The following SGCZ variants were observed in gnomAD, a reference collection of about 807,000 sequenced individuals.
SGCZ encodes the protein zeta-sarcoglycan.
In SGCZ, 40 loss-of-function variants were observed where a neutral mutation model predicts 41.3. The ratio of observed to expected loss-of-function variants is 0.97; its 90% confidence interval spans 0.75 to 1.26. SGCZ has a LOEUF of 1.26. SGCZ is among the 50% of genes most tolerant of loss of function. SGCZ has a pLI of 0.00. For missense variants in SGCZ, 552 were observed against 369.8 expected (o/e 1.49, Z -4.04); for synonymous variants, 206 against 137.5 (o/e 1.50, Z -3.49).
intron 1 of SGCZ, among the ~76,000 whole-genome samples, chr8:14,656,695 C>G (rs1186562190): frequency 6.6e-6 from 1 of 150,988 alleles, no homozygotes; most frequent in African/African-American, 2.4e-5. Flanking sequence ...CTCTCTTTCA[C>G]TCTTTCTTTC....
At chr8:15,064,685 G>T (rs115884286) in intron 1 of SGCZ, among the ~76,000 whole-genome samples, 1,809 of 152,072 alleles carry the variant, frequency 0.012, 31 homozygotes, top group African/African-American at 0.041. Context: ...TCCCTCCCTA[G>T]TTGCTGTTCT....
intron 1 of SGCZ, among the ~76,000 whole-genome samples, chr8:15,001,575 A>G (rs1802422557): frequency 6.6e-6 from 1 of 152,010 alleles, no homozygotes; most frequent in African/African-American, 2.4e-5. Flanking sequence ...TAAAAATGCA[A>G]AAAATAAGCC....
intron 1 of SGCZ, among the ~76,000 whole-genome samples, chr8:14,597,322 T>A (rs892377112): frequency 1.3e-5 from 2 of 152,194 alleles, no homozygotes; most frequent in Non-Finnish European, 2.9e-5. Context: ...CAAGGACTTT[T>A]AAGTTAGAAT....
intron 1 of SGCZ, among the ~76,000 whole-genome samples, chr8:14,851,368 CAAAAAAAAAAAAAA>C (rs369090223): frequency 1.6e-5 from 1 of 61,908 alleles, no homozygotes; most frequent in Non-Finnish European, 2.9e-5. Context: ...GACTCCATCT[CAAAAAAAAAAAAAA>C]AAAAAAAAGA....
chr8:14,493,697 A>C (rs1431753004), intron 2 of SGCZ, among the ~76,000 whole-genome samples: 1 of 151,628 alleles, frequency 6.6e-6, no homozygotes, highest in African/African-American at 2.4e-5. Context: ...ATCAGCTCTT[A>C]ATCTTGTTTT....
intron 4 of SGCZ, among the ~76,000 whole-genome samples, chr8:14,230,340 C>T (rs1444798276): frequency 6.6e-6 from 1 of 152,080 alleles, no homozygotes; most frequent in Non-Finnish European, 1.5e-5. Flanking sequence ...AAATCACAAT[C>T]ACTAACTTAT....
At chr8:14,439,955 G>A (rs1400310035) in intron 2 of SGCZ, among the ~76,000 whole-genome samples, 12 of 151,264 alleles carry the variant, frequency 7.9e-5, no homozygotes, top group Non-Finnish European at 1.0e-4. Flanking sequence ...TTTGGTTCAC[G>A]GACTTCTTGA....
intron 1 of SGCZ, among the ~76,000 whole-genome samples, chr8:14,899,029 G>T (rs772474993): frequency 1.3e-5 from 2 of 152,050 alleles, no homozygotes; most frequent in Non-Finnish European, 2.9e-5. Context: ...ACTTTTTACC[G>T]TGTTAGAGTT....
chr8:15,005,954 T>G (rs1802596154), intron 1 of SGCZ, among the ~76,000 whole-genome samples: 1 of 152,154 alleles, frequency 6.6e-6, no homozygotes, highest in African/African-American at 2.4e-5. Flanking sequence ...CCCACCAAAC[T>G]TGAACTAACA....
chr8:15,203,791 T>C (rs957595947), intron 1 of SGCZ, among the ~76,000 whole-genome samples: 3 of 152,174 alleles, frequency 2.0e-5, no homozygotes, highest in African/African-American at 4.8e-5. Flanking sequence ...AAAGGAAATA[T>C]CCAAGAAATA....
intron 2 of SGCZ, among the ~76,000 whole-genome samples, chr8:14,505,335 G>T (rs554174032): frequency 4.6e-5 from 7 of 152,206 alleles, no homozygotes; most frequent in Middle Eastern, 3.4e-3. Flanking sequence ...AAATGCCCCA[G>T]AGTAAAGAGC....
At chr8:14,100,435 A>C (rs2116976539) in intron 7 of SGCZ, among the ~76,000 whole-genome samples, 1 of 150,536 alleles carries the variant, frequency 6.6e-6, no homozygotes, top group South Asian at 2.1e-4. Flanking sequence ...CAAGATGTTT[A>C]AGAAAGACTT....
At chr8:15,139,070 T>C (rs1808222040) in intron 1 of SGCZ, among the ~76,000 whole-genome samples, 1 of 152,200 alleles carries the variant, frequency 6.6e-6, no homozygotes, top group Non-Finnish European at 1.5e-5. Flanking sequence ...AAAATTTTAT[T>C]TTCCTCCCTG....
At position 15,163,437 on chromosome 8, in the gene SGCZ, A is replaced by G. The variant is rs531535503; in HGVS notation, c.39+74148T>C. ...TTGCATTTATATACACTGAAAGGCC[A>G]GAAGATATGAATACTGGAAACGACT... On this transcript the variant is annotated intron_variant, in intron 1 of 7. Transcript: ENST00000382080. 2.6e-5 allele frequency among the ~76,000 whole-genome samples: 4 copies of G among 152,344 alleles called. No individual in the cohort carries two copies. The East Asian group carries it at 5.8e-4, about 22-fold the overall frequency.
At chr8:14,231,404 C>A (rs1806567584) in intron 4 of SGCZ, among the ~76,000 whole-genome samples, 1 of 151,880 alleles carries the variant, frequency 6.6e-6, no homozygotes, top group Admixed American at 6.6e-5. Flanking sequence ...ATCATGAGGT[C>A]ATGTTATTTC....
At chr8:14,350,669 G>A (rs2117103235) in intron 2 of SGCZ, among the ~76,000 whole-genome samples, 1 of 152,116 alleles carries the variant, frequency 6.6e-6, no homozygotes, top group East Asian at 1.9e-4. Flanking sequence ...AAGAGCTGAG[G>A]TCTTTGTGGA....
intron 2 of SGCZ, among the ~76,000 whole-genome samples, chr8:14,465,973 TACAAA>T: frequency 6.6e-6 from 1 of 152,082 alleles, no homozygotes; most frequent in Non-Finnish European, 1.5e-5. Flanking sequence ...TTAAATCATG[TACAAA>T]ACAAACAGTA....
At chr8:14,221,154 A>C (rs1354400661) in intron 4 of SGCZ, among the ~76,000 whole-genome samples, 1 of 152,238 alleles carries the variant, frequency 6.6e-6, no homozygotes, top group Admixed American at 6.5e-5. Flanking sequence ...AAAATCTATA[A>C]GCAATGTCTT....
At position 14,842,573 on chromosome 8, in the gene SGCZ, T is replaced by C. The variant is rs541836774; in HGVS notation, c.40-287647A>G. Among the ~76,000 whole-genome samples, 113 of 151,906 alleles carry C rather than the reference T, an allele frequency of 7.4e-4. 1 individual carries two copies. The highest frequency in any genetic ancestry group is 3.4e-3 in the Middle Eastern group (1 of 294). ...AGAGAAAGCAGGGACACACAGAACA[T>C]AGGGCAGAGTTATTTGAGATGATGT... On this transcript the variant is annotated intron_variant, in intron 1 of 7. Coordinates refer to ENST00000382080, the MANE Select transcript of SGCZ (RefSeq NM_139167.4).
Sources: gnomAD v4.1 joint callset for allele counts (sites outside exome capture counted in the v4.1 genomes callset) on GRCh38, gnomAD v4.1.1 for gene constraint, MANE v1.5 for transcripts, NCBI Gene and HGNC (gene_info 2026-07-23, HGNC 2026-07-21) for gene names.